CAMK4: variants seen among roughly 807,000 people sequenced by gnomAD.
The protein encoded by CAMK4 is calcium/calmodulin-dependent protein kinase type IV.
CAMK4 carries 22 observed loss-of-function variants against 44.9 expected under a neutral mutation model. The ratio of observed to expected loss-of-function variants is 0.49; its 90% CI spans 0.35 to 0.70. The LOEUF is 0.70. Among genes scored for constraint, CAMK4 ranks in the 30% least tolerant of loss-of-function variants. The pLI is 0.01. For missense variants in CAMK4, 498 were observed against 586.8 expected, an observed-to-expected ratio of 0.85 and a Z score of 1.56; for synonymous variants, 218 against 215.4, an observed-to-expected ratio of 1.01 and a Z score of -0.11.
intron 1 of CAMK4, among the ~76,000 whole-genome samples, chr5:111,336,307 A>G (rs1195232996): frequency 1.3e-5 from 2 of 151,242 alleles, no homozygotes; most frequent in South Asian, 2.1e-4. Context: ...CCATTTTGAA[A>G]TGAAGATGCA....
intron 5 of CAMK4, among the ~76,000 whole-genome samples, chr5:111,403,917 AT>A (rs1752322824): frequency 6.6e-6 from 1 of 152,118 alleles, no homozygotes; most frequent in African/African-American, 2.4e-5. Flanking sequence ...GTGTCTAGGA[AT>A]TTTCTGATCG....
intron 7 of CAMK4, among the ~76,000 whole-genome samples, chr5:111,470,053 A>G (rs1486619328): frequency 6.6e-6 from 1 of 152,258 alleles, no homozygotes; most frequent in Non-Finnish European, 1.5e-5. Context: ...TGGAATATGC[A>G]TGCTCAATAT....
At chr5:111,459,345 G>C (rs116748444) in intron 7 of CAMK4, among the ~76,000 whole-genome samples, 1 of 152,140 alleles carries the variant, frequency 6.6e-6, no homozygotes. Context: ...TAAAGCTGTC[G>C]GCAATAGTAA....
chr5:111,303,780 A>G (rs1344583334), intron 1 of CAMK4, among the ~76,000 whole-genome samples: 8 of 146,678 alleles, frequency 5.5e-5, no homozygotes, highest in African/African-American at 1.1e-4. Flanking sequence ...AGCAACTCGA[A>G]GACACATAAT....
At chr5:111,477,370 C>T (rs992711510) in intron 8 of CAMK4, among the ~76,000 whole-genome samples, 1 of 152,208 alleles carries the variant, frequency 6.6e-6, no homozygotes, top group Non-Finnish European at 1.5e-5. Context: ...TTTAATTTTT[C>T]ATGCTATGTA....
intron 2 of CAMK4, among the ~76,000 whole-genome samples, chr5:111,367,947 C>T (rs536240649): frequency 6.6e-6 from 1 of 152,226 alleles, no homozygotes; most frequent in Non-Finnish European, 1.5e-5. Flanking sequence ...GTGCTGAATG[C>T]ATTGTGTCTC....
intron 5 of CAMK4, among the ~76,000 whole-genome samples, chr5:111,436,286 A>G (rs977989658): frequency 2.0e-5 from 3 of 152,212 alleles, no homozygotes; most frequent in Admixed American, 2.0e-4. Flanking sequence ...TAGACAGGAA[A>G]ATAAATTTCT....
intron 2 of CAMK4, among the ~76,000 whole-genome samples, chr5:111,356,376 T>G (rs1322815474): frequency 5.3e-5 from 8 of 152,156 alleles, no homozygotes; most frequent in Middle Eastern, 6.8e-3. Flanking sequence ...TAAATTTGTT[T>G]GAGTTCATTG....
chr5:111,404,828 T>C (rs1752357541), intron 5 of CAMK4, among the ~76,000 whole-genome samples: 1 of 152,236 alleles, frequency 6.6e-6, no homozygotes, highest in African/African-American at 2.4e-5. Context: ...GGACTTACTA[T>C]GTTATTCTTA....
chr5:111,452,659 GTCCT>G (rs1379274131), intron 7 of CAMK4, among the ~76,000 whole-genome samples: 5 of 151,938 alleles, frequency 3.3e-5, no homozygotes, highest in Non-Finnish European at 5.9e-5. Context: ...TTAATATATT[GTCCT>G]TTCCATAAAC....
Position 111,414,674 on chromosome 5 carries a change from A to G in CAMK4, c.459+19892A>G, listed in dbSNP as rs78679012. On this transcript the variant is annotated intron_variant, in intron 5 of 10. Coordinates refer to ENST00000282356, the MANE Select transcript of CAMK4 (RefSeq NM_001744.6). ...TATTGGATTGTAGAAGCAGTGAAAA[A>G]TATTGTGGTCAAATAAAAAGTATTT... Among the ~76,000 whole-genome samples the G allele has an allele frequency of 8.0e-3, 1,216 of 152,312 alleles. 14 individuals are homozygous for G. Among genetic ancestry groups the G allele is most frequent in the African/African-American group, 0.026 (1,068 of 41,580 alleles).
chr5:111,286,986 C>T (rs1751261310), intron 1 of CAMK4, among the ~76,000 whole-genome samples: 2 of 152,074 alleles, frequency 1.3e-5, no homozygotes, highest in South Asian at 4.1e-4. Context: ...AGCATTTATC[C>T]TTATGTAGGT....
At chr5:111,405,721 A>T (rs1752400986) in intron 5 of CAMK4, among the ~76,000 whole-genome samples, 1 of 152,194 alleles carries the variant, frequency 6.6e-6, no homozygotes, top group South Asian at 2.1e-4. Flanking sequence ...GATTCTGCAG[A>T]TGAAGAGGTC....
At chr5:111,440,917 C>T (rs1753800941) in intron 5 of CAMK4, among the ~76,000 whole-genome samples, 2 of 152,080 alleles carry the variant, frequency 1.3e-5, no homozygotes, top group South Asian at 2.1e-4. Flanking sequence ...GAATAGCTAC[C>T]ATTTACACAT....
At chr5:111,307,261 A>C (rs1747966365) in intron 1 of CAMK4, among the ~76,000 whole-genome samples, 1 of 12,982 alleles carries the variant, frequency 7.7e-5, no homozygotes, top group Non-Finnish European at 1.2e-4. Flanking sequence ...GATCTAATTA[A>C]ACTAAAGAGC....
At chr5:111,350,767 G>C (rs1660936) in intron 2 of CAMK4, among the ~76,000 whole-genome samples, 54,917 of 151,794 alleles carry the variant, frequency 0.36, 10,711 homozygotes, top group South Asian at 0.51. Context: ...CATAAATGTT[G>C]GTTTGATTTT....
chr5:111,293,898 C>T (rs2112631061), intron 1 of CAMK4, among the ~76,000 whole-genome samples: 1 of 152,052 alleles, frequency 6.6e-6, no homozygotes, highest in East Asian at 1.9e-4. Context: ...AGGTGCCCGC[C>T]ACCATGCCCG....
intron 5 of CAMK4, among the ~76,000 whole-genome samples, chr5:111,418,900 CAT>C (rs1181053132): frequency 6.6e-6 from 1 of 152,118 alleles, no homozygotes; most frequent in Non-Finnish European, 1.5e-5. Context: ...CCGCAATAAA[CAT>C]ATGTGTGCAT....
chr5:111,402,816 G>A lies in CAMK4; in HGVS notation c.459+8034G>A, dbSNP rs139968833. Among the ~76,000 whole-genome samples the A allele has an allele frequency of 1.1e-3, 166 of 152,262 alleles. 2 individuals carry two copies. Among genetic ancestry groups the A allele is most frequent in the African/African-American group, 3.6e-3 (148 of 41,554 alleles). On this transcript the variant is annotated intron_variant, in intron 5 of 10. Coordinates refer to ENST00000282356, the MANE Select transcript of CAMK4 (RefSeq NM_001744.6). Reference sequence around the variant, plus strand: ...GGGTCTGCATATGATGCTGGGAACCGCTTTTGCTATCTTGTAATTATGAAG... The same window carrying A: ...GGGTCTGCATATGATGCTGGGAACCACTTTTGCTATCTTGTAATTATGAAG...
Sources: allele counts gnomAD v4.1 joint callset (sites outside exome capture counted in the v4.1 genomes callset), GRCh38; gene constraint gnomAD v4.1.1; transcripts MANE v1.5; gene names NCBI Gene and HGNC (gene_info 2026-07-23, HGNC 2026-07-21).